Variants in HHAT observed in about 807,000 individuals in gnomAD.
HHAT encodes the protein hedgehog acyltransferase, also known as protein-cysteine N-palmitoyltransferase HHAT.
A neutral mutation model predicts 70.8 loss-of-function variants in HHAT; 47 were observed. That is an observed-to-expected ratio of 0.66 (90% CI 0.53 to 0.85). HHAT has a LOEUF of 0.85. Ranked by LOEUF, HHAT falls within the 40% of genes least tolerant of loss-of-function variation. HHAT has a pLI of 0.00. For synonymous variants in HHAT, 228 were observed against 247.6 expected, an observed-to-expected ratio of 0.92 and a Z score of 0.74; for missense variants, 609 against 604.8, an observed-to-expected ratio of 1.01 and a Z score of -0.07.
chr1:210,607,427 A>C (rs2148833576), intron 10 of HHAT, among the ~76,000 whole-genome samples: 1 of 152,262 alleles, frequency 6.6e-6, no homozygotes, highest in South Asian at 2.1e-4. Context: ...CACTTGGTGA[A>C]TCATTCTTAG....
rs559162500 is a variant in HHAT at position 210,654,682 on chromosome 1, T to A, written c.1391-19606T>A. ...GAGTCGCATGATGGTTAGTTTATCTTCAGATCAGATTGTTCCCAGCCAAAT... is the reference window on the plus strand; with the variant it reads ...GAGTCGCATGATGGTTAGTTTATCTACAGATCAGATTGTTCCCAGCCAAAT... On this transcript the variant is annotated intron_variant, in intron 11 of 11. Transcript: ENST00000261458. Among the ~76,000 whole-genome samples, 16 of 152,354 alleles carry A rather than the reference T, an allele frequency of 1.1e-4. No individual in the cohort carries two copies. In the East Asian group the frequency reaches 2.1e-3, roughly 20 times the overall value.
At chr1:210,473,010 A>G (rs2094232829) in intron 8 of HHAT, among the ~76,000 whole-genome samples, 1 of 152,128 alleles carries the variant, frequency 6.6e-6, no homozygotes, top group African/African-American at 2.4e-5. Flanking sequence ...GATGGCAAAT[A>G]TATCCTCTTC....
chr1:210,332,480 A>G (rs1256493815), intron 1 of HHAT, among the ~76,000 whole-genome samples: 1 of 152,254 alleles, frequency 6.6e-6, no homozygotes, highest in Non-Finnish European at 1.5e-5. Context: ...TTGTGCCTCA[A>G]TATCCGCTGC....
intron 9 of HHAT, among the ~76,000 whole-genome samples, chr1:210,554,368 T>G (rs2095554324): frequency 6.6e-6 from 1 of 152,138 alleles, no homozygotes. Flanking sequence ...CTTTTGAAGA[T>G]GAACTTTGGT....
intron 11 of HHAT, among the ~76,000 whole-genome samples, chr1:210,639,898 A>G (rs943092146): frequency 2.0e-5 from 3 of 152,142 alleles, no homozygotes; most frequent in African/African-American, 7.2e-5. Flanking sequence ...TCCTGCCTTT[A>G]AGAGATTCTG....
chr1:210,449,398 C>T (rs533433718), intron 7 of HHAT, among the ~76,000 whole-genome samples: 2 of 152,212 alleles, frequency 1.3e-5, no homozygotes, highest in African/African-American at 4.8e-5. Context: ...ACGAGTGTGA[C>T]CCTTTCTGAT....
At chr1:210,574,889 G>C (rs1000045354) in intron 9 of HHAT, among the ~76,000 whole-genome samples, 3 of 152,204 alleles carry the variant, frequency 2.0e-5, no homozygotes, top group African/African-American at 7.2e-5. Flanking sequence ...TTATTTTATA[G>C]TGAACATTTT....
chr1:210,398,245 A>C (rs1414096031), intron 4 of HHAT, among the ~76,000 whole-genome samples: 1 of 152,190 alleles, frequency 6.6e-6, no homozygotes, highest in Admixed American at 6.5e-5. Context: ...TTTTTGCATT[A>C]TTCACATCTT....
At chr1:210,383,787 G>T (rs149211959) in intron 3 of HHAT, among the ~76,000 whole-genome samples, 4 of 152,206 alleles carry the variant, frequency 2.6e-5, no homozygotes, top group South Asian at 2.1e-4. Context: ...GATAAGGTCT[G>T]TTAAACAAAT....
At chr1:210,411,687 C>A (rs2092560217) in intron 6 of HHAT, among the ~76,000 whole-genome samples, 1 of 152,082 alleles carries the variant, frequency 6.6e-6, no homozygotes, top group African/African-American at 2.4e-5. Context: ...CCAAGGCTAC[C>A]ATGAGGTAGG....
chr1:210,400,783 A>C (rs1488739944), intron 5 of HHAT, 121 bp downstream of exon 5: 1 of 860,558 alleles, frequency 1.2e-6, no homozygotes, highest in Non-Finnish European at 1.8e-6. Flanking sequence ...GGGGCTCCCC[A>C]TAGTGGCCGT....
chr1:210,638,089 T>C (rs1672251623), intron 11 of HHAT, among the ~76,000 whole-genome samples: 1 of 152,194 alleles, frequency 6.6e-6, no homozygotes, highest in African/African-American at 2.4e-5. Flanking sequence ...CCTTTACTGC[T>C]GATGGGAGTG....
intron 1 of HHAT, among the ~76,000 whole-genome samples, chr1:210,329,882 G>T (rs973661793): frequency 6.6e-6 from 1 of 152,182 alleles, no homozygotes; most frequent in Non-Finnish European, 1.5e-5. Flanking sequence ...GAGTAGCTGG[G>T]ATTACAGGCA....
chr1:210,376,678 G>A (rs993488231), intron 3 of HHAT, among the ~76,000 whole-genome samples: 1 of 152,182 alleles, frequency 6.6e-6, no homozygotes, highest in South Asian at 2.1e-4. Context: ...CGGCTGGTGG[G>A]TTCAGGGGTG....
At chr1:210,383,700 G>A (rs1204530754) in intron 3 of HHAT, among the ~76,000 whole-genome samples, 1 of 152,158 alleles carries the variant, frequency 6.6e-6, no homozygotes, top group African/African-American at 2.4e-5. Context: ...AGATGCTGAT[G>A]GAGAGGGGTT....
At chr1:210,419,978 A>G (rs1181071168) in intron 7 of HHAT, among the ~76,000 whole-genome samples, 1 of 152,196 alleles carries the variant, frequency 6.6e-6, no homozygotes, top group Non-Finnish European at 1.5e-5. Flanking sequence ...AATGATACTT[A>G]AGATCGGCAC....
At chr1:210,583,818 G>A (rs1659786366) in intron 9 of HHAT, among the ~76,000 whole-genome samples, 1 of 152,100 alleles carries the variant, frequency 6.6e-6, no homozygotes, top group Non-Finnish European at 1.5e-5. Context: ...GTAATTTTGG[G>A]GCTAGATGCT....
At chr1:210,396,813 G>T (rs954116755) in intron 4 of HHAT, among the ~76,000 whole-genome samples, 4 of 152,168 alleles carry the variant, frequency 2.6e-5, no homozygotes, top group African/African-American at 9.7e-5. Flanking sequence ...AGGAAATTAC[G>T]CTGAGTGAAA....
intron 8 of HHAT, among the ~76,000 whole-genome samples, chr1:210,511,780 CTTTT>C (rs201825628): frequency 0.053 from 4,569 of 86,860 alleles, 54 homozygotes; most frequent in Non-Finnish European, 0.079. Context: ...GCCGCCTGGT[CTTTT>C]TTTTTTTTTT....
Sources: gnomAD v4.1 joint callset for allele counts (sites outside exome capture counted in the v4.1 genomes callset) on GRCh38, gnomAD v4.1.1 for gene constraint, MANE v1.5 for transcripts, NCBI Gene and HGNC (gene_info 2026-07-23, HGNC 2026-07-21) for gene names.